Variants in CLEC16A observed in about 807,000 individuals in gnomAD.
CLEC16A encodes C-type lectin domain containing 16A.
CLEC16A carries 51 observed loss-of-function variants against 109.5 expected under a neutral mutation model. The observed-to-expected ratio is 0.47, with a 90% CI of 0.37 to 0.59. The LOEUF (loss-of-function observed/expected upper bound fraction) is 0.59, where lower values mean the gene tolerates loss of function less well. CLEC16A is among the 20% of genes least tolerant of loss of function. CLEC16A has a pLI of 0.00. For missense variants in CLEC16A, 1,339 were observed against 1,394.0 expected, an observed-to-expected ratio of 0.96 and a Z score of 0.63; for synonymous variants, 673 against 564.2, an observed-to-expected ratio of 1.19 and a Z score of -2.73.
chr16:11,091,363 C>T (rs2050294768), intron 19 of CLEC16A, among the ~76,000 whole-genome samples: 1 of 152,200 alleles, frequency 6.6e-6, no homozygotes, highest in African/African-American at 2.4e-5. Context: ...GGTGGATGCC[C>T]CCGGGTCTGG....
chr16:11,047,697 C>T (rs532583416), intron 17 of CLEC16A: 2 of 162,322 alleles, frequency 1.2e-5, no homozygotes, highest in South Asian at 2.0e-4. Context: ...GTAATAGCTA[C>T]TGCCATTGTC....
intron 19 of CLEC16A, among the ~76,000 whole-genome samples, chr16:11,099,594 A>T (rs1051061870): frequency 6.6e-6 from 1 of 152,220 alleles, no homozygotes; most frequent in African/African-American, 2.4e-5. Context: ...TAAAATCAGG[A>T]AACAAGAAAG....
chr16:11,024,968 C>G (rs759813179), intron 13 of CLEC16A, 47 bp downstream of exon 13: 16 of 1,269,930 alleles, frequency 1.3e-5, no homozygotes, highest in Non-Finnish European at 1.7e-5. Flanking sequence ...CCCTGCATAC[C>G]CATAGCATCC....
At chr16:10,971,771 G>A (rs966468613) in intron 5 of CLEC16A, among the ~76,000 whole-genome samples, 6 of 152,092 alleles carry the variant, frequency 3.9e-5, no homozygotes, top group Admixed American at 1.3e-4. Context: ...CCCACTCTCC[G>A]CTGCACTGAC....
intron 19 of CLEC16A, among the ~76,000 whole-genome samples, chr16:11,111,423 A>G (rs2051577571): frequency 6.6e-6 from 1 of 152,088 alleles, no homozygotes; most frequent in Non-Finnish European, 1.5e-5. Context: ...GAGCATTTTT[A>G]TGACTTTGCC....
chr16:11,182,009 G>A lies in CLEC16A; in HGVS notation c.*3319G>A, dbSNP rs1348493001. ...AAATATGTAAATAATTTTTGTCCCA[G>A]TGAGAACCGAGGGTTAGAAAACCTC... On this transcript the variant is annotated 3_prime_UTR_variant, in exon 24 of 24. Coordinates refer to ENST00000409790, the MANE Select transcript of CLEC16A (RefSeq NM_015226.3). The A allele has an allele frequency of 1.3e-5, 2 of 152,698 alleles. No homozygotes were observed. Among genetic ancestry groups the A allele is most frequent in the South Asian group, 2.1e-4 (1 of 4,824 alleles). 9.5% of individuals were successfully genotyped at this position (152,698 alleles called of 1,614,324 possible).
At chr16:11,125,640 G>A (rs1338797759) in intron 21 of CLEC16A, among the ~76,000 whole-genome samples, 1 of 152,206 alleles carries the variant, frequency 6.6e-6, no homozygotes, top group African/African-American at 2.4e-5. Context: ...GTCTGAAACA[G>A]CCTTTGTCAG....
chr16:11,174,409 C>A lies in CLEC16A; in HGVS notation c.2807-3926C>A, dbSNP rs1303680740. ...CACAGAGCCATTTGCCAAGGCGGCA[C>A]TTCCCCATTTTCCCCCAAAGTTGGT... On this transcript the variant is annotated intron_variant, in intron 23 of 23. Transcript: ENST00000409790. The surrounding 1 kb of genome is among the most constrained non-coding windows in gnomAD (Gnocchi z 4.7). 2 of 354,318 alleles carry A rather than the reference C, an allele frequency of 5.6e-6. No homozygotes were observed. The highest frequency in any genetic ancestry group is 4.3e-5 in the African/African-American group (2 of 46,938). 21.9% of individuals were successfully genotyped at this position (354,318 alleles called of 1,614,324 possible). A position where few individuals can be genotyped will look rare whatever the true frequency, so the allele number is the denominator to read the frequency against.
chr16:11,159,874 A>G (rs1233751006), intron 22 of CLEC16A, among the ~76,000 whole-genome samples: 1 of 152,204 alleles, frequency 6.6e-6, no homozygotes. Context: ...TTTAGTATCT[A>G]TGGCATTTAG....
At chr16:11,161,047 A>C in intron 22 of CLEC16A, among the ~76,000 whole-genome samples, 1 of 152,228 alleles carries the variant, frequency 6.6e-6, no homozygotes, top group East Asian at 1.9e-4. Flanking sequence ...GGTTATTGAG[A>C]GACAGCTTAC....
intron 22 of CLEC16A, among the ~76,000 whole-genome samples, chr16:11,155,910 C>G (rs1245189604): frequency 6.6e-6 from 1 of 152,210 alleles, no homozygotes; most frequent in Non-Finnish European, 1.5e-5. Flanking sequence ...TGCAGAGAAT[C>G]AAGACTAATT....
intron 13 of CLEC16A, among the ~76,000 whole-genome samples, chr16:11,029,581 C>A (rs776092992): frequency 3.3e-5 from 5 of 152,054 alleles, no homozygotes; most frequent in Admixed American, 6.6e-5. Flanking sequence ...TTGTGCTTCT[C>A]CCTCTCAGGG....
intron 22 of CLEC16A, among the ~76,000 whole-genome samples, chr16:11,129,733 C>A (rs1597487114): frequency 6.6e-6 from 1 of 151,328 alleles, no homozygotes; most frequent in African/African-American, 2.4e-5. Flanking sequence ...CTAGGGTTGT[C>A]CCCTCCCGCC....
chr16:11,177,656 C>T (rs76856470), intron 23 of CLEC16A, among the ~76,000 whole-genome samples: 1 of 151,268 alleles, frequency 6.6e-6, no homozygotes, highest in African/African-American at 2.4e-5. Flanking sequence ...AGAATAACTG[C>T]GTTGGGTGGA....
In CLEC16A at chr16:11,051,630, A is replaced by G; in HGVS notation, c.1984A>G (p.Lys662Glu). Residue 662 changes from lysine to glutamate, a missense_variant, in exon 18 of 24, where the codon AAG becomes GAG. Around this residue, in one of 3 missense-constraint regions of CLEC16A, gnomAD observed 1,061 missense variants for 1,006.8 expected, o/e 1.05. Coordinates refer to ENST00000409790, the MANE Select transcript of CLEC16A (RefSeq NM_015226.3). The part of the protein sequence containing the change: ...VKRLPCGDVE[K>E]TRRAIRVFFM... ...GCGGCTGCCGTGTGGCGATGTGGAG[A>G]AGACCCGGCGGGTGAGTGAGCACAG... is the stretch of plus-strand genomic sequence containing the variant. 2 of 1,613,958 alleles carry G rather than the reference A, an allele frequency of 1.2e-6. No individual in the cohort carries two copies. Among genetic ancestry groups the G allele is most frequent in the African/African-American group, 1.3e-5 (1 of 75,056 alleles).
At chr16:11,096,679 C>G (rs1028974649) in intron 19 of CLEC16A, among the ~76,000 whole-genome samples, 3 of 152,284 alleles carry the variant, frequency 2.0e-5, no homozygotes, top group Admixed American at 1.3e-4. Flanking sequence ...CACTCCAGGC[C>G]TTATGGGGGT....
At chr16:11,017,952 C>T (rs779302952) in intron 11 of CLEC16A, among the ~76,000 whole-genome samples, 26 of 150,274 alleles carry the variant, frequency 1.7e-4, no homozygotes, top group Admixed American at 1.1e-3. Flanking sequence ...GAAATCTGCC[C>T]AAAGTGTAGA....
At chr16:11,123,290 TAGA>T (rs1225577180) in intron 20 of CLEC16A, among the ~76,000 whole-genome samples, 1 of 152,196 alleles carries the variant, frequency 6.6e-6, no homozygotes, top group African/African-American at 2.4e-5. Context: ...GTCCCCTTCT[TAGA>T]AGAAATAAGG....
At chr16:11,053,401 T>C (rs1352167234) in intron 18 of CLEC16A, among the ~76,000 whole-genome samples, 1 of 151,850 alleles carries the variant, frequency 6.6e-6, no homozygotes, top group Non-Finnish European at 1.5e-5. Context: ...AGGGTCCTGC[T>C]CTGTCACCCA....
Sources: allele counts gnomAD v4.1 joint callset (sites outside exome capture counted in the v4.1 genomes callset), GRCh38; gene constraint gnomAD v4.1.1; regional missense constraint gnomAD v4.1.1; non-coding constraint Gnocchi (gnomAD v3.1); transcripts MANE v1.5; gene names NCBI Gene and HGNC (gene_info 2026-07-23, HGNC 2026-07-21).